FAM131A: variants seen among roughly 807,000 people sequenced by gnomAD.
The protein encoded by FAM131A is protein FAM131A.
In FAM131A, 24 loss-of-function variants were observed where a neutral mutation model predicts 39.2. The observed-to-expected ratio is 0.61, with a 90% CI of 0.44 to 0.86. The LOEUF (loss-of-function observed/expected upper bound fraction) is 0.86. FAM131A is among the 40% of genes least tolerant of loss of function. The pLI is 0.00. For missense variants in FAM131A, 373 were observed against 481.2 expected (o/e 0.78, Z 2.10); for synonymous variants, 202 against 206.8 (o/e 0.98, Z 0.20).
At chr3:184,341,388 A>G in intron 2 of FAM131A, 1 of 359,108 alleles carries the variant, frequency 2.8e-6, no homozygotes, top group Non-Finnish European at 5.2e-6. Context: ...TGGATGCCAC[A>G]CTCTTCTTCC....
At position 184,342,805 on chromosome 3, in the gene FAM131A, C is replaced by A; in HGVS notation, c.570C>A (p.Gly190=). 1 of 1,613,962 alleles carries A rather than the reference C, an allele frequency of 6.2e-7. No individual in the cohort carries two copies. The highest frequency in any genetic ancestry group is 1.6e-4 in the Middle Eastern group (1 of 6,062). Reference sequence around the variant, plus strand: ...TCCGAGCATGGTCTTCGGTGGATGGCGAGGACTCCACTGATGACTCCTATG... The same window carrying A: ...TCCGAGCATGGTCTTCGGTGGATGGAGAGGACTCCACTGATGACTCCTATG... ...AKLRAWSSVD[G]EDSTDDSYDE... The change falls in exon 5 of 6, where the codon GGC becomes GGA. Residue 190 remains glycine, a synonymous_variant. Coordinates refer to ENST00000383847, the MANE Select transcript of FAM131A (RefSeq NM_144635.5). The surrounding 1 kb of genome is among the most constrained non-coding windows in gnomAD (Gnocchi z 4.6).
Position 184,344,572 on chromosome 3 carries a change from C to T in FAM131A, c.703C>T (p.Gln235Ter). 1 of 1,608,396 alleles carries T rather than the reference C, an allele frequency of 6.2e-7. No individual in the cohort carries two copies. The highest frequency in any genetic ancestry group is 8.5e-7 in the Non-Finnish European group (1 of 1,176,808). Reference protein sequence around the residue: ...TGHRFSRPVRQGSVEPESDCS... With the variant: ...TGHRFSRPVR The stretch of plus-strand genomic sequence containing the variant: ...CCACCGGTTCTCCCGGCCTGTGCGC[C>T]AGGGCTCCGTGGAGCCTGAGAGCGA... Residue 235 changes from glutamine (Q) to a stop codon, truncating the protein, a stop_gained, in exon 6 of 6, where the codon CAG becomes TAG. Coordinates refer to ENST00000383847, the MANE Select transcript of FAM131A (RefSeq NM_144635.5). LOFTEE classifies it high-confidence loss of function.
intron 2 of FAM131A, 177 bp from the exon 3 acceptor site, chr3:184,341,547 A>G (rs1391775552): frequency 1.6e-6 from 1 of 609,146 alleles, no homozygotes; most frequent in Non-Finnish European, 2.9e-6. Context: ...TTCTGGGAGG[A>G]CATAATTCAC....
In FAM131A at chr3:184,345,491, G is replaced by A. The variant is rs997010012; in HGVS notation, c.*521G>A. ...CCTATGGGTTGAGCCGTCCCTCAAG[G>A]GCCCCTGCCCAGCTGGGCTCGTGCT... On this transcript the variant is annotated 3_prime_UTR_variant, in exon 6 of 6. Transcript: ENST00000383847. 1 of 702,464 alleles carries A rather than the reference G, an allele frequency of 1.4e-6. No individual in the cohort carries two copies. The highest frequency in any genetic ancestry group is 1.7e-5 in the African/African-American group (1 of 57,214). The allele number at this position is 702,464 out of a possible 1,614,324, so 43.5% of individuals were successfully genotyped here. A position where few individuals can be genotyped will look rare whatever the true frequency, so the allele number is the denominator to read the frequency against.
Position 184,345,434 on chromosome 3 carries a change from A to C in FAM131A, c.*464A>C. 2 of 680,768 alleles carry C rather than the reference A, an allele frequency of 2.9e-6. No individual in the cohort carries two copies. The highest frequency in any genetic ancestry group is 2.3e-5 in the Admixed American group (1 of 43,142). 42.2% of individuals were successfully genotyped at this position (680,768 alleles called of 1,614,324 possible). A position where few individuals can be genotyped will look rare whatever the true frequency, so the allele number is the denominator to read the frequency against. On this transcript the variant is annotated 3_prime_UTR_variant, in exon 6 of 6. Coordinates refer to ENST00000383847, the MANE Select transcript of FAM131A (RefSeq NM_144635.5). ...TGCAGTGCTTGATAGAATCACCCCC[A>C]CCTGGAGGGGCTGGCTCCTGCCCTC...
chr3:184,338,278 T>G, intron 1 of FAM131A, 109 bp from the exon 2 acceptor site: 1 of 1,219,558 alleles, frequency 8.2e-7, no homozygotes, highest in Non-Finnish European at 1.1e-6. Flanking sequence ...GGCGCTGGTC[T>G]TCTGGAAGGT....
Position 184,344,649 on chromosome 3 carries a change from G to A in FAM131A, c.780G>A (p.Leu260=), listed in dbSNP as rs1305544989. The A allele has an allele frequency of 1.2e-6, 2 of 1,612,824 alleles. No individual in the cohort carries two copies. Among genetic ancestry groups the A allele is most frequent in the Non-Finnish European group, 1.7e-6 (2 of 1,179,860 alleles). Residue 260 remains leucine, a synonymous_variant, in exon 6 of 6, where the codon CTG becomes CTA. Coordinates refer to ENST00000383847, the MANE Select transcript of FAM131A (RefSeq NM_144635.5). ...CCCTGTGCTCTAGTCTGTGCAGCCT[G>A]GAGGATGGGTTGTTGGGCTCCCCGG... ...PDTLCSSLCS[L]EDGLLGSPAR...
rs751077199 is a variant in FAM131A at position 184,342,223 on chromosome 3, C to T, written c.483C>T (p.Gly161=). ...CCTCCTATTCAGACCTCAGCGAGGG[C>T]GAACAAGAGGCTCGCTTTGCAGCAG... ...AFSSYSDLSE[G]EQEARFAAGV... Residue 161 remains glycine (G), a synonymous_variant, in exon 4 of 6, where the codon GGC becomes GGT. Coordinates refer to ENST00000383847, the MANE Select transcript of FAM131A (RefSeq NM_144635.5). This position sits in a 1 kb window ranked among gnomAD's most constrained non-coding sequence, Gnocchi z 4.6. 1.4e-5 allele frequency: 23 copies of T among 1,608,102 alleles called. No individual in the cohort carries two copies. Among genetic ancestry groups the T allele is most frequent in the African/African-American group, 4.0e-5 (3 of 74,818 alleles).
chr3:184,343,666 A>G (rs1727481626), intron 5 of FAM131A, among the ~76,000 whole-genome samples: 1 of 152,240 alleles, frequency 6.6e-6, no homozygotes, highest in Admixed American at 6.5e-5. Context: ...TGGTTGTCTG[A>G]AGCCAAGATG....
In FAM131A at chr3:184,344,779, T is replaced by C. The variant is rs1172495790; in HGVS notation, c.910T>C (p.Ser304Pro). Reference sequence around the variant, plus strand: ...CCTGGGCCCACTGGAGGCCCAGGACTCACTCTACAACTCGCCCCTCACAGA... The same window carrying C: ...CCTGGGCCCACTGGAGGCCCAGGACCCACTCTACAACTCGCCCCTCACAGA... ...RSLGPLEAQDSLYNSPLTESC... is the reference protein window; with the variant it reads ...RSLGPLEAQDPLYNSPLTESC... Residue 304 changes from serine to proline, a missense_variant, in exon 6 of 6, where the codon TCA becomes CCA. Physicochemically the swap from Ser to Pro is moderately conservative, Grantham distance 74. This residue lies in a region of FAM131A where 152 missense variants were observed against 133.5 expected (regional missense o/e 1.14). Transcript: ENST00000383847. 6.2e-7 allele frequency: 1 copy of C among 1,612,294 alleles called. No individual in the cohort carries two copies. Among genetic ancestry groups the C allele is most frequent in the Non-Finnish European group, 8.5e-7 (1 of 1,179,932 alleles).
Position 184,343,122 on chromosome 3 carries a change from C to A in FAM131A, c.625+262C>A, listed in dbSNP as rs1461146186. On this transcript the variant is annotated intron_variant, in intron 5 of 5. Transcript: ENST00000383847. ...CTGCACAGTTGTGCCTTGCAGTCCT[C>A]AAAAAAAAAAAAAAAAAAAAAGCCG... The A allele has an allele frequency of 4.9e-3, 514 of 105,406 alleles. 1 individual carries two copies. The highest frequency in any genetic ancestry group is 9.1e-3 in the East Asian group (32 of 3,508). The allele number at this position is 105,406 out of a possible 1,614,324, so 6.5% of individuals were successfully genotyped here.
chr3:184,341,149 G>A (rs1727357897), intron 2 of FAM131A: 1 of 163,216 alleles, frequency 6.1e-6, no homozygotes, highest in Non-Finnish European at 1.3e-5. Context: ...CTTATCAACA[G>A]ATATGGGCAA....
rs1388099402 is a variant in FAM131A, at chr3:184,338,667, A to AGGCCGCCCCCGTGCCGGTC, written c.231+139_231+157dup. On this transcript the variant is annotated intron_variant, in intron 2 of 5. Coordinates refer to ENST00000383847, the MANE Select transcript of FAM131A (RefSeq NM_144635.5). ...AGGCGCTATCCGGCGGCGGGCCGGG[A>AGGCCGCCCCCGTGCCGGTC]GGCCGCCCCCGTGCCGGTCTGCTCT... 11 of 1,167,012 alleles carry AGGCCGCCCCCGTGCCGGTC rather than the reference A, an allele frequency of 9.4e-6. No homozygotes were observed. In the African/African-American group the frequency reaches 1.4e-4, roughly 15 times the overall value. The allele number at this position is 1,167,012 out of a possible 1,614,324, so 72.3% of individuals were successfully genotyped here.
chr3:184,342,304 T>A lies in FAM131A; in HGVS notation c.508+56T>A. 1 of 1,501,088 alleles carries A rather than the reference T, an allele frequency of 6.7e-7. No individual in the cohort carries two copies. 93.0% of individuals were successfully genotyped at this position (1,501,088 alleles called of 1,614,324 possible). Reference sequence around the variant, plus strand: ...CTTGGCACAGGGCTGCTTTCTTTCTTTATTTTATTTAATTTTTTTTTGAGA... The same window carrying A: ...CTTGGCACAGGGCTGCTTTCTTTCTATATTTTATTTAATTTTTTTTTGAGA... On this transcript the variant is annotated intron_variant, in intron 4 of 5. Coordinates refer to ENST00000383847, the MANE Select transcript of FAM131A (RefSeq NM_144635.5). The surrounding 1 kb of genome is among the most constrained non-coding windows in gnomAD (Gnocchi z 4.6).
At chr3:184,343,695 ATTTTTG>A (rs1018098020) in intron 5 of FAM131A, among the ~76,000 whole-genome samples, 25 of 152,356 alleles carry the variant, frequency 1.6e-4, no homozygotes, top group Admixed American at 8.5e-4. Context: ...AACCACAAGC[ATTTTTG>A]TTTGATTGAG....
At position 184,344,866 on chromosome 3, in the gene FAM131A, C is replaced by G; in HGVS notation, c.997C>G (p.Pro333Ala). ...APCKDCQPLC[P>A]PLTGSWERQR... ...CTGCAAGGACTGCCAGCCACTCTGC[C>G]CACCACTAACGGGCAGCTGGGAACG... The change falls in exon 6 of 6, where the codon CCA (proline) becomes GCA (alanine). Residue 333 changes from proline (P) to alanine (A), a missense_variant. Physicochemically the swap from Pro to Ala is conservative, Grantham distance 27. This residue lies in a region of FAM131A where 152 missense variants were observed against 133.5 expected (regional missense o/e 1.14). Transcript: ENST00000383847. The G allele has an allele frequency of 6.2e-7, 1 of 1,611,224 alleles. No individual in the cohort carries two copies. The highest frequency in any genetic ancestry group is 8.5e-7 in the Non-Finnish European group (1 of 1,179,880).
At chr3:184,343,727 G>C (rs1175332584) in intron 5 of FAM131A, among the ~76,000 whole-genome samples, 1 of 152,212 alleles carries the variant, frequency 6.6e-6, no homozygotes, top group Admixed American at 6.5e-5. Context: ...GGCCTACTTT[G>C]ACCCCTGGGG....
intron 5 of FAM131A, 134 bp from the exon 6 acceptor site, chr3:184,344,361 G>C: frequency 1.3e-6 from 1 of 765,454 alleles, no homozygotes; most frequent in South Asian, 2.0e-5. Context: ...AAAAAGTTGT[G>C]ACTGGTTCAA....
At chr3:184,339,620 C>G (rs1560241391) in intron 2 of FAM131A, 1 of 152,156 alleles carries the variant, frequency 6.6e-6, no homozygotes, top group Non-Finnish European at 1.5e-5. Flanking sequence ...GCTGCCACGC[C>G]CGGCTGATTT....
Sources: gnomAD v4.1 joint callset for allele counts (sites outside exome capture counted in the v4.1 genomes callset) on GRCh38, gnomAD v4.1.1 for gene constraint, gnomAD v4.1.1 regional missense constraint, Gnocchi (gnomAD v3.1) non-coding constraint, MANE v1.5 for transcripts, NCBI Gene and HGNC (gene_info 2026-07-23, HGNC 2026-07-21) for gene names.